The following PCDH15 variants were observed in gnomAD, a reference collection of about 807,000 sequenced individuals.
The protein encoded by PCDH15 is protocadherin related 15, also known as protocadherin-15.
PCDH15 carries 129 observed loss-of-function variants against 178.5 expected under a neutral mutation model. That is an observed-to-expected ratio of 0.72 (90% CI 0.63 to 0.84). The LOEUF (loss-of-function observed/expected upper bound fraction) is 0.84. Ranked by LOEUF, PCDH15 falls within the 40% of genes least tolerant of loss-of-function variation. The pLI, the probability that PCDH15 is intolerant of heterozygous loss-of-function variation, is 0.00. For missense variants in PCDH15, 2,230 were observed against 2,099.9 expected (o/e 1.06, Z -1.21); for synonymous variants, 800 against 732.0 (o/e 1.09, Z -1.50).
At chr10:54,735,535 T>G (rs370879962) in intron 1 of PCDH15, among the ~76,000 whole-genome samples, 14 of 147,446 alleles carry the variant, frequency 9.5e-5, no homozygotes, top group East Asian at 5.9e-4. Flanking sequence ...CAAAGGACTA[T>G]AAATCATGCT....
intron 25 of PCDH15, among the ~76,000 whole-genome samples, chr10:53,912,800 A>G (rs2083209925): frequency 6.6e-6 from 1 of 152,198 alleles, no homozygotes; most frequent in Non-Finnish European, 1.5e-5. Flanking sequence ...GAGGACACCA[A>G]CAAATGGAAG....
At chr10:54,325,634 A>G (rs961839792) in intron 7 of PCDH15, among the ~76,000 whole-genome samples, 1 of 152,066 alleles carries the variant, frequency 6.6e-6, no homozygotes, top group Non-Finnish European at 1.5e-5. Context: ...CTGTAATCCC[A>G]GCTACTCAGG....
At chr10:54,834,153 C>T (rs1190338365) in intron 3 of PCDH15, among the ~76,000 whole-genome samples, 7 of 151,794 alleles carry the variant, frequency 4.6e-5, no homozygotes. Flanking sequence ...TTGCCTACTA[C>T]CTATCAAATA....
At chr10:55,587,002 A>G (rs1302249405) in intron 2 of PCDH15, among the ~76,000 whole-genome samples, 1 of 152,164 alleles carries the variant, frequency 6.6e-6, no homozygotes, top group African/African-American at 2.4e-5. Context: ...TGGGAACAGA[A>G]GTACAATTTT....
chr10:55,106,453 G>T (rs576201914), intron 2 of PCDH15, among the ~76,000 whole-genome samples: 1 of 151,998 alleles, frequency 6.6e-6, no homozygotes, highest in African/African-American at 2.4e-5. Flanking sequence ...CGCTCTTGTC[G>T]CCCAGGCTGG....
At chr10:53,923,476 G>C (rs1485411354) in intron 25 of PCDH15, among the ~76,000 whole-genome samples, 1 of 152,122 alleles carries the variant, frequency 6.6e-6, no homozygotes. Flanking sequence ...TTTTGCTTTT[G>C]CATTGAAGCA....
In PCDH15 at chr10:55,037,666, C is replaced by A. The variant is rs536603400; in HGVS notation, c.-80+128910G>T. On this transcript the variant is annotated intron_variant, in intron 2 of 5. Transcript: ENST00000458638. ...GAAGTATTAGCTTAGAAAGAAAGTT[C>A]TGTTTCTGAAGATTGTAAAATATCT... Among the ~76,000 whole-genome samples, 218 of 152,220 alleles carry A rather than the reference C, an allele frequency of 1.4e-3. 1 individual carries two copies. The highest frequency in any genetic ancestry group is 5.1e-3 in the African/African-American group (210 of 41,526).
At chr10:53,889,499 G>A (rs1008265901) in intron 26 of PCDH15, among the ~76,000 whole-genome samples, 5 of 151,664 alleles carry the variant, frequency 3.3e-5, no homozygotes, top group African/African-American at 7.3e-5. Context: ...AATGGTAAAC[G>A]AAGCACAAGA....
chr10:54,448,925 T>G (rs2076301805), intron 3 of PCDH15, among the ~76,000 whole-genome samples: 1 of 151,750 alleles, frequency 6.6e-6, no homozygotes, highest in Non-Finnish European at 1.5e-5. Flanking sequence ...CTATTTTTAC[T>G]TCTCAAAGTT....
At chr10:55,318,270 G>A (rs924463993) in intron 1 of PCDH15, among the ~76,000 whole-genome samples, 9 of 152,006 alleles carry the variant, frequency 5.9e-5, no homozygotes, top group Non-Finnish European at 1.0e-4. Flanking sequence ...TGGGGGCAGG[G>A]GTGTGGATAT....
chr10:55,449,509 T>C (rs578024199), intron 2 of PCDH15, among the ~76,000 whole-genome samples: 1 of 152,176 alleles, frequency 6.6e-6, no homozygotes, highest in African/African-American at 2.4e-5. Flanking sequence ...GGTCAAAATA[T>C]GGTGGTGAGG....
intron 13 of PCDH15, among the ~76,000 whole-genome samples, chr10:54,157,073 T>C (rs2045232969): frequency 6.6e-6 from 1 of 152,204 alleles, no homozygotes. Flanking sequence ...ATTGAGTGTC[T>C]GTAGCTTTTG....
At chr10:54,491,836 A>T (rs9415339) in intron 3 of PCDH15, among the ~76,000 whole-genome samples, 1 of 152,106 alleles carries the variant, frequency 6.6e-6, no homozygotes, top group African/African-American at 2.4e-5. Context: ...AAGTTTCCCT[A>T]TTTGCTCATT....
chr10:54,175,513 T>G (rs924245852), intron 13 of PCDH15, among the ~76,000 whole-genome samples: 1 of 152,228 alleles, frequency 6.6e-6, no homozygotes, highest in Non-Finnish European at 1.5e-5. Context: ...AGTTACCACA[T>G]GCAGCATTTG....
intron 10 of PCDH15, among the ~76,000 whole-genome samples, chr10:54,204,301 C>T (rs942468473): frequency 6.6e-6 from 1 of 151,398 alleles, no homozygotes; most frequent in African/African-American, 2.4e-5. Flanking sequence ...AATCATAAAA[C>T]TCTTAAGAAT....
chr10:54,602,417 C>T (rs1199179466), intron 2 of PCDH15, among the ~76,000 whole-genome samples: 3 of 151,954 alleles, frequency 2.0e-5, no homozygotes, highest in Non-Finnish European at 2.9e-5. Flanking sequence ...TCTGCCTATA[C>T]ACCTATATGT....
chr10:53,953,040 C>T (rs2087236095), intron 23 of PCDH15, among the ~76,000 whole-genome samples: 1 of 152,226 alleles, frequency 6.6e-6, no homozygotes, highest in African/African-American at 2.4e-5. Flanking sequence ...GAGCTCTGGG[C>T]TCCAGCCCCT....
At chr10:54,875,425 T>A (rs1015546084) in intron 3 of PCDH15, among the ~76,000 whole-genome samples, 4 of 152,118 alleles carry the variant, frequency 2.6e-5, no homozygotes, top group African/African-American at 9.7e-5. Flanking sequence ...CATTCAAGTA[T>A]CTCACTTTAA....
At chr10:55,453,620 T>C (rs1186507234) in intron 2 of PCDH15, among the ~76,000 whole-genome samples, 1 of 152,034 alleles carries the variant, frequency 6.6e-6, no homozygotes, top group Non-Finnish European at 1.5e-5. Flanking sequence ...AGATTCTATG[T>C]TTACTTCTCA....
Sources: gnomAD v4.1 joint callset for allele counts (sites outside exome capture counted in the v4.1 genomes callset) on GRCh38, gnomAD v4.1.1 for gene constraint, MANE v1.5 for transcripts, NCBI Gene and HGNC (gene_info 2026-07-23, HGNC 2026-07-21) for gene names.